PEX6: variants seen among roughly 807,000 people sequenced by gnomAD.
PEX6 encodes the protein peroxisomal biogenesis factor 6, also known as peroxisome biogenesis factor 6.
PEX6 carries 55 observed loss-of-function variants against 85.6 expected under a neutral mutation model. The ratio of observed to expected loss-of-function variants is 0.64; its 90% CI spans 0.52 to 0.80. PEX6 has a LOEUF of 0.80. PEX6 is among the 30% of genes least tolerant of loss of function. The probability of loss-of-function intolerance (pLI) is 0.00; values close to 1 mark genes in which losing one functional copy is unlikely to be tolerated. For missense variants in PEX6, 1,099 were observed against 1,260.3 expected (o/e 0.87, Z 1.94); for synonymous variants, 519 against 549.1 (o/e 0.95, Z 0.77).
In PEX6 at chr6:42,978,378, C is replaced by A. The variant is rs1030087734; in HGVS notation, c.773G>T (p.Gly258Val). ...RWDLSDRLGP[G>V]SGPLGEPLAD... ...GAGGGGCTCTCCCAGCGGTCCAGAG[C>A]CGGGTCCCAGTCTATCAGAGAGGTC... Residue 258 changes from glycine (G) to valine (V), a missense_variant, in exon 1 of 17, where the codon GGC becomes GTC. Gly to Val is a moderately radical substitution (Grantham distance 109). This residue lies in a region of PEX6 where 579 missense variants were observed against 611.6 expected (regional missense o/e 0.95). Transcript: ENST00000304611. 1 of 1,614,218 alleles carries A rather than the reference C, an allele frequency of 6.2e-7. No individual in the cohort carries two copies. Among genetic ancestry groups the A allele is most frequent in the Admixed American group, 1.7e-5 (1 of 60,028 alleles).
Position 42,965,549 on chromosome 6 carries a change from C to A in PEX6, c.2471+132G>T. ...CCCTGCCCAATTTCATGGCCCCTTT[C>A]AGCTTCCATTATATTATCTCAGAAC... On this transcript the variant is annotated intron_variant, in intron 13 of 16. Coordinates refer to ENST00000304611, the MANE Select transcript of PEX6 (RefSeq NM_000287.4). The surrounding 1 kb of genome is among the most constrained non-coding windows in gnomAD (Gnocchi z 5.0). 1 of 905,400 alleles carries A rather than the reference C, an allele frequency of 1.1e-6. No individual in the cohort carries two copies. The highest frequency in any genetic ancestry group is 1.9e-6 in the Non-Finnish European group (1 of 537,158). 56.1% of individuals were successfully genotyped at this position (905,400 alleles called of 1,614,324 possible).
chr6:42,964,775 C>G lies in PEX6; in HGVS notation c.2806+15G>C, dbSNP rs370445298. Reference sequence around the variant, plus strand: ...TAGCTTTTTGGTTGACCTCTCAGACCGGCAAGTGGCTCACCTTCCTCCAGG... The same window carrying G: ...TAGCTTTTTGGTTGACCTCTCAGACGGGCAAGTGGCTCACCTTCCTCCAGG... On this transcript the variant is annotated intron_variant, in intron 16 of 16. Coordinates refer to ENST00000304611, the MANE Select transcript of PEX6 (RefSeq NM_000287.4). The surrounding 1 kb of genome is among the most constrained non-coding windows in gnomAD (Gnocchi z 4.6). The G allele has an allele frequency of 1.2e-6, 2 of 1,613,840 alleles. No individual in the cohort carries two copies. Among genetic ancestry groups the G allele is most frequent in the Non-Finnish European group, 1.7e-6 (2 of 1,179,986 alleles).
chr6:42,974,597 A>G (rs951982541), intron 2 of PEX6, among the ~76,000 whole-genome samples: 1 of 151,134 alleles, frequency 6.6e-6, no homozygotes, highest in Non-Finnish European at 1.5e-5. Flanking sequence ...AGCTGGGACT[A>G]CAGGCGCCCA....
Position 42,964,159 on chromosome 6 carries a change from C to T in PEX6, c.*176G>A, listed in dbSNP as rs1769621901. ...AGGGGCAAGTAGGCAGGAGATATCT[C>T]TTGAGCTGTTGCTGCTGTCTCAATG... On this transcript the variant is annotated 3_prime_UTR_variant, in exon 17 of 17. Transcript: ENST00000304611. The surrounding 1 kb of genome is among the most constrained non-coding windows in gnomAD (Gnocchi z 4.6). 2 of 666,940 alleles carry T rather than the reference C, an allele frequency of 3.0e-6. No homozygotes were observed. Among genetic ancestry groups the T allele is most frequent in the South Asian group, 3.6e-5 (2 of 55,258 alleles). The allele number at this position is 666,940 out of a possible 1,614,324, so 41.3% of individuals were successfully genotyped here. A position where few individuals can be genotyped will look rare whatever the true frequency, so the allele number is the denominator to read the frequency against.
Position 42,964,493 on chromosome 6 carries a change from G to A in PEX6, c.2807-22C>T. 6.2e-7 allele frequency: 1 copy of A among 1,612,608 alleles called. No individual in the cohort carries two copies. On this transcript the variant is annotated intron_variant, in intron 16 of 16. Coordinates refer to ENST00000304611, the MANE Select transcript of PEX6 (RefSeq NM_000287.4). This position sits in a 1 kb window ranked among gnomAD's most constrained non-coding sequence, Gnocchi z 4.6. The stretch of plus-strand genomic sequence containing the variant: ...AGCCCTGGAGATGACAAGGTGGGGA[G>A]GCTGTGGTCTATGCCCAGGCAGGGG...
At chr6:42,966,967 GTTT>G (rs144477517) in intron 8 of PEX6, 109 bp from the exon 9 acceptor site, 17,389 of 466,824 alleles carry the variant, frequency 0.037, 2 homozygotes, top group Middle Eastern at 0.061. Context: ...TAGGTTTGTT[GTTT>G]TTTTTTTTTT....
At position 42,964,215 on chromosome 6, in the gene PEX6, A is replaced by T. The variant is rs899120324; in HGVS notation, c.*120T>A. On this transcript the variant is annotated 3_prime_UTR_variant, in exon 17 of 17. Coordinates refer to ENST00000304611, the MANE Select transcript of PEX6 (RefSeq NM_000287.4). This position sits in a 1 kb window ranked among gnomAD's most constrained non-coding sequence, Gnocchi z 4.6. ...TTGCACCCTGGGATCTCCTGGAGGGAGGTGGCCTCCAGGTGGGTTGGCAGC... is the reference window on the plus strand; with the variant it reads ...TTGCACCCTGGGATCTCCTGGAGGGTGGTGGCCTCCAGGTGGGTTGGCAGC... 8.9e-6 allele frequency: 10 copies of T among 1,122,806 alleles called. No individual in the cohort carries two copies. Among genetic ancestry groups the T allele is most frequent in the African/African-American group, 4.6e-5 (3 of 65,028 alleles). The allele number at this position is 1,122,806 out of a possible 1,614,324, so 69.6% of individuals were successfully genotyped here. A position where few individuals can be genotyped will look rare whatever the true frequency, so the allele number is the denominator to read the frequency against.
chr6:42,975,202 A>C (rs1188279307), intron 1 of PEX6, among the ~76,000 whole-genome samples, 164 bp from the exon 2 acceptor site: 2 of 152,140 alleles, frequency 1.3e-5, no homozygotes, highest in Non-Finnish European at 2.9e-5. Context: ...TCTCCCTCTA[A>C]TGGGTACCAG....
chr6:42,969,799 C>A lies in PEX6; in HGVS notation c.1236G>T (p.Val412=). Residue 412 remains valine (V), a splice_region_variant and synonymous_variant, in exon 5 of 17, where the codon GTG becomes GTT. Coordinates refer to ENST00000304611, the MANE Select transcript of PEX6 (RefSeq NM_000287.4). The part of the protein sequence containing the change: ...ADTTHTSLYM[V]GSTLSPVPWL... ...ATGGAACAGGGCTCAGGGTAGAACC[C>A]ACCTGTGAAAGGTAATAAAAAGCTT... 6.2e-7 allele frequency: 1 copy of A among 1,613,494 alleles called. No homozygotes were observed. Among genetic ancestry groups the A allele is most frequent in the African/African-American group, 1.3e-5 (1 of 74,582 alleles).
chr6:42,968,770 G>T, intron 6 of PEX6, 104 bp downstream of exon 6: 1 of 908,274 alleles, frequency 1.1e-6, no homozygotes, highest in Non-Finnish European at 1.8e-6. Context: ...AAGTGCTAGG[G>T]CCTGTGAGTA....
In PEX6 at chr6:42,978,810, G is replaced by C; in HGVS notation, c.341C>G (p.Pro114Arg). ...CGGCCCGACTCGCGGTCCGAGCCCA[G>C]GCCCCAGCGAGGTGCCAAGCAGTGC... ...GWALLGTSLG[P>R]GLGPRVGPLL... The change falls in exon 1 of 17, where the codon CCT (proline) becomes CGT (arginine). Residue 114 changes from proline to arginine, a missense_variant. Transcript: ENST00000304611. 3 of 1,533,510 alleles carry C rather than the reference G, an allele frequency of 2.0e-6. No homozygotes were observed. Among genetic ancestry groups the C allele is most frequent in the Non-Finnish European group, 2.6e-6 (3 of 1,146,342 alleles). 95.0% of individuals were successfully genotyped at this position (1,533,510 alleles called of 1,614,324 possible).
rs931972980 is a variant in PEX6 at position 42,968,210 on chromosome 6, A to G, written c.1688+80T>C. On this transcript the variant is annotated intron_variant, in intron 7 of 16. Transcript: ENST00000304611. ...GGTGATCCACCTGCCTCGGCCTCCC[A>G]ATGTGCTGGGATTATAAGTGTGAGC... The G allele has an allele frequency of 4.9e-6, 6 of 1,233,830 alleles. No individual in the cohort carries two copies. The African/African-American group carries it at 8.9e-5, about 18-fold the overall frequency. 76.4% of individuals were successfully genotyped at this position (1,233,830 alleles called of 1,614,324 possible).
chr6:42,975,017 C>T lies in PEX6; in HGVS notation c.904G>A (p.Ala302Thr), dbSNP rs368503571. 1.5e-5 allele frequency: 24 copies of T among 1,612,990 alleles called. No homozygotes were observed. Among genetic ancestry groups the T allele is most frequent in the East Asian group, 1.1e-4 (5 of 44,902 alleles). ...RIQRYLEGSI[A>T]PEDKGSCSLL... The stretch of plus-strand genomic sequence containing the variant: ...GAGCAGCTTCCTTTGTCTTCAGGGG[C>T]GATGGAGCCTTCCAAGTACCTCTAT... The change falls in exon 2 of 17, where the codon GCC (alanine) becomes ACC (threonine). Residue 302 changes from alanine (A) to threonine (T), a missense_variant. Ala to Thr is a moderately conservative substitution (Grantham distance 58, BLOSUM62 0). Around this residue, in one of 3 missense-constraint regions of PEX6, gnomAD observed 579 missense variants for 611.6 expected, o/e 0.95. Transcript: ENST00000304611.
intron 6 of PEX6, 145 bp downstream of exon 6, chr6:42,968,729 A>G (rs1769940277): frequency 5.1e-6 from 4 of 783,778 alleles, no homozygotes; most frequent in Non-Finnish European, 9.0e-6. Context: ...ATAGCTCAGC[A>G]TCATGGGAAT....
At chr6:42,966,479 G>A (rs1164615060) in intron 10 of PEX6, 32 bp from the exon 11 acceptor site, 2 of 1,614,042 alleles carry the variant, frequency 1.2e-6, no homozygotes, top group African/African-American at 1.3e-5. Context: ...GTTGGGATAT[G>A]CTCTTGGAGG....
chr6:42,973,821 A>C (rs927891945), intron 3 of PEX6, among the ~76,000 whole-genome samples, 182 bp downstream of exon 3: 2 of 152,176 alleles, frequency 1.3e-5, no homozygotes, highest in Admixed American at 1.3e-4. Context: ...CTGTGTTTGC[A>C]CCACTAAACT....
chr6:42,968,413 C>G lies in PEX6; in HGVS notation c.1565G>C (p.Arg522Pro), dbSNP rs374396138. The G allele has an allele frequency of 1.9e-5, 31 of 1,613,584 alleles. No homozygotes were observed. The highest frequency in any genetic ancestry group is 2.5e-5 in the Non-Finnish European group (30 of 1,179,878). ...AGCTGTGAGCAACAGGACTGCAGGC[C>G]GGCAACGGCGGGCCCGGGAGAAGAT... is the stretch of plus-strand genomic sequence containing the variant. ...QAIFSRARRC[R>P]PAVLLLTAVD... The change falls in exon 7 of 17, where the codon CGG becomes CCG. Residue 522 changes from arginine to proline, a missense_variant. Arg to Pro is a moderately radical substitution (Grantham distance 103). Around this residue, in one of 3 missense-constraint regions of PEX6, gnomAD observed 514 missense variants for 627.0 expected, o/e 0.82. Transcript: ENST00000304611.
Position 42,978,747 on chromosome 6 carries a change from C to T in PEX6, c.404G>A (p.Gly135Glu), listed in dbSNP as rs1258367348. The T allele has an allele frequency of 1.3e-6, 2 of 1,536,396 alleles. No homozygotes were observed. The highest frequency in any genetic ancestry group is 2.4e-5 in the East Asian group (1 of 40,988). ...CGGCCGCGTCTCCAGCACCCGCGGT[C>T]CGGGCACTGGGAGGGTCTCTCCGCG... is the stretch of plus-strand genomic sequence containing the variant. Reference protein sequence around the residue: ...VRRGETLPVPGPRVLETRPAL... With the variant: ...VRRGETLPVPEPRVLETRPAL... The change falls in exon 1 of 17, where the codon GGA becomes GAA. Residue 135 changes from glycine to glutamate, a missense_variant. Gly to Glu is a moderately conservative substitution (Grantham distance 98, BLOSUM62 -2). This residue lies in a region of PEX6 where 579 missense variants were observed against 611.6 expected (regional missense o/e 0.95). Coordinates refer to ENST00000304611, the MANE Select transcript of PEX6 (RefSeq NM_000287.4).
In PEX6 at chr6:42,964,166, TG is replaced by T; in HGVS notation, c.*168del. On this transcript the variant is annotated 3_prime_UTR_variant, in exon 17 of 17. Transcript: ENST00000304611. The surrounding 1 kb of genome is among the most constrained non-coding windows in gnomAD (Gnocchi z 4.6). ...AGTAGGCAGGAGATATCTCTTGAGCTGTTGCTGCTGTCTCAATGCCACTTTG... is the reference window on the plus strand; with the variant it reads ...AGTAGGCAGGAGATATCTCTTGAGCTTTGCTGCTGTCTCAATGCCACTTTG... 1.5e-6 allele frequency: 1 copy of T among 680,138 alleles called. No individual in the cohort carries two copies. The highest frequency in any genetic ancestry group is 1.8e-5 in the South Asian group (1 of 56,106). 42.1% of individuals were successfully genotyped at this position (680,138 alleles called of 1,614,324 possible). A position where few individuals can be genotyped will look rare whatever the true frequency, so the allele number is the denominator to read the frequency against.
Sources: allele counts gnomAD v4.1 joint callset (sites outside exome capture counted in the v4.1 genomes callset), GRCh38; gene constraint gnomAD v4.1.1; regional missense constraint gnomAD v4.1.1; non-coding constraint Gnocchi (gnomAD v3.1); transcripts MANE v1.5; gene names NCBI Gene and HGNC (gene_info 2026-07-23, HGNC 2026-07-21).